Variants in APP observed in about 807,000 individuals in gnomAD.
APP encodes the protein amyloid beta precursor protein.
In APP, 31 loss-of-function variants were observed where a neutral mutation model predicts 101.4. The observed-to-expected ratio is 0.31, with a 90% CI of 0.23 to 0.41. The LOEUF is 0.41. APP is among the 10% of genes least tolerant of loss of function. The probability of loss-of-function intolerance (pLI) is 1.00; values close to 1 mark genes in which losing one functional copy is unlikely to be tolerated. For synonymous variants in APP, 366 were observed against 364.4 expected, an observed-to-expected ratio of 1.00 and a Z score of -0.05; for missense variants, 839 against 1,003.7, an observed-to-expected ratio of 0.84 and a Z score of 2.22.
intron 1 of APP, among the ~76,000 whole-genome samples, chr21:26,162,119 G>A (rs1174803763): frequency 6.6e-6 from 1 of 152,198 alleles, no homozygotes; most frequent in Non-Finnish European, 1.5e-5. Flanking sequence ...TTGAGCCCAG[G>A]AGTTCAAGAT....
At chr21:26,069,381 C>G (rs1310111210) in intron 3 of APP, among the ~76,000 whole-genome samples, 2 of 152,098 alleles carry the variant, frequency 1.3e-5, no homozygotes, top group Non-Finnish European at 2.9e-5. Context: ...CCCATAGTTC[C>G]TCTCCCTTCC....
chr21:26,062,944 A>G (rs1218627047), intron 3 of APP, among the ~76,000 whole-genome samples: 1 of 151,920 alleles, frequency 6.6e-6, no homozygotes, highest in Non-Finnish European at 1.5e-5. Context: ...TTGTATTTTT[A>G]GTAGACATGG....
At chr21:26,143,036 A>C (rs1033749645) in intron 1 of APP, among the ~76,000 whole-genome samples, 4 of 152,270 alleles carry the variant, frequency 2.6e-5, no homozygotes, top group African/African-American at 9.6e-5. Flanking sequence ...CAACTTTTAT[A>C]AACAATGTGG....
intron 1 of APP, among the ~76,000 whole-genome samples, chr21:26,123,136 G>T (rs2062610956): frequency 6.6e-6 from 1 of 152,162 alleles, no homozygotes; most frequent in African/African-American, 2.4e-5. Flanking sequence ...TGCAGGAACA[G>T]AACATGAAGT....
At chr21:26,043,738 T>G (rs1487630326) in intron 5 of APP, among the ~76,000 whole-genome samples, 1 of 152,222 alleles carries the variant, frequency 6.6e-6, no homozygotes, top group Non-Finnish European at 1.5e-5. Flanking sequence ...TGTAAATTCT[T>G]GGTAAGTAGG....
intron 13 of APP, among the ~76,000 whole-genome samples, chr21:25,940,323 T>G (rs2040523508): frequency 6.6e-6 from 1 of 152,118 alleles, no homozygotes; most frequent in African/African-American, 2.4e-5. Flanking sequence ...TGCCAGTGTA[T>G]CTGTAGAAAT....
At chr21:25,942,454 C>T (rs1266089328) in intron 13 of APP, 14 of 152,134 alleles carry the variant, frequency 9.2e-5, no homozygotes, top group Non-Finnish European at 1.9e-4. Flanking sequence ...TTTCAGCAAA[C>T]GATAGGAGTA....
intron 8 of APP, among the ~76,000 whole-genome samples, chr21:25,983,309 G>A (rs1338273660): frequency 2.0e-5 from 3 of 152,158 alleles, no homozygotes; most frequent in Non-Finnish European, 4.4e-5. Context: ...TTTGACTTAA[G>A]AGGAAGCATA....
chr21:26,154,759 A>G (rs561683572), intron 1 of APP, among the ~76,000 whole-genome samples: 1 of 152,328 alleles, frequency 6.6e-6, no homozygotes, highest in African/African-American at 2.4e-5. Flanking sequence ...ACATCTCCAG[A>G]TATTACTTTC....
At chr21:26,123,415 A>T (rs1007052419) in intron 1 of APP, among the ~76,000 whole-genome samples, 2 of 152,198 alleles carry the variant, frequency 1.3e-5, no homozygotes, top group African/African-American at 4.8e-5. Flanking sequence ...CTGTTAACTT[A>T]TTTAGTTTAA....
intron 1 of APP, among the ~76,000 whole-genome samples, chr21:26,142,778 G>A (rs1051045903): frequency 6.7e-6 from 1 of 150,200 alleles, no homozygotes; most frequent in Non-Finnish European, 1.5e-5. Flanking sequence ...CAAAAAAAAA[G>A]TAAAGAAAAA....
chr21:26,160,030 T>C (rs1453463924), intron 1 of APP, among the ~76,000 whole-genome samples: 2 of 152,074 alleles, frequency 1.3e-5, no homozygotes, highest in African/African-American at 4.8e-5. Context: ...ACAGCTCTAA[T>C]GGCCATGCTG....
chr21:25,948,308 C>T (rs919591636), intron 13 of APP, among the ~76,000 whole-genome samples: 2 of 151,962 alleles, frequency 1.3e-5, no homozygotes, highest in African/African-American at 4.8e-5. Flanking sequence ...CCCACTAAAC[C>T]CCCAAATCAA....
chr21:26,089,805 G>C, intron 3 of APP, 138 bp downstream of exon 3: 2 of 1,343,716 alleles, frequency 1.5e-6, no homozygotes, highest in Non-Finnish European at 2.1e-6. Flanking sequence ...AACTGCAAGA[G>C]TCCAAAACAC....
chr21:25,896,319 AAAT>A (rs976338084), intron 16 of APP, among the ~76,000 whole-genome samples: 36 of 152,234 alleles, frequency 2.4e-4, no homozygotes, highest in African/African-American at 8.2e-4. Flanking sequence ...AGTAAGGCAT[AAAT>A]AATAATTTGG....
chr21:26,026,504 C>T (rs1322269914), intron 5 of APP, among the ~76,000 whole-genome samples: 1 of 152,126 alleles, frequency 6.6e-6, no homozygotes, highest in Admixed American at 6.5e-5. Flanking sequence ...GATATAATTC[C>T]ACATGCAGGT....
At chr21:26,003,648 T>C (rs1042478851) in intron 6 of APP, among the ~76,000 whole-genome samples, 1 of 152,236 alleles carries the variant, frequency 6.6e-6, no homozygotes, top group Non-Finnish European at 1.5e-5. Flanking sequence ...TCTCAATCTC[T>C]AAGAGACAGC....
intron 5 of APP, among the ~76,000 whole-genome samples, chr21:26,022,678 T>C (rs941410692): frequency 1.3e-5 from 2 of 152,082 alleles, no homozygotes; most frequent in East Asian, 3.9e-4. Context: ...TTATAAAAAG[T>C]GGGGTGGTGG....
At chr21:26,124,926 C>T (rs914348210) in intron 1 of APP, among the ~76,000 whole-genome samples, 2 of 152,180 alleles carry the variant, frequency 1.3e-5, no homozygotes, top group African/African-American at 4.8e-5. Flanking sequence ...CCTTGATGGA[C>T]AGATAATCCA....
Sources: gnomAD v4.1 joint callset for allele counts (sites outside exome capture counted in the v4.1 genomes callset) on GRCh38, gnomAD v4.1.1 for gene constraint, MANE v1.5 for transcripts, NCBI Gene and HGNC (gene_info 2026-07-23, HGNC 2026-07-21) for gene names.